The following SLC71A2 variants were observed in gnomAD, a reference collection of about 807,000 sequenced individuals.
SLC71A2 encodes hippocampus abundant transcript-like 1.
the SLC71A2 span, among the ~76,000 whole-genome samples, chr9:94,423,682 A>G: frequency 6.6e-6 from 1 of 152,096 alleles, no homozygotes; most frequent in Admixed American, 6.5e-5. Context: ...CTTATGAAAT[A>G]TAGAGTGTCC....
the SLC71A2 span, among the ~76,000 whole-genome samples, chr9:94,446,339 T>C: frequency 2.0e-5 from 3 of 152,214 alleles, no homozygotes; most frequent in Non-Finnish European, 4.4e-5. Context: ...CAGTTTGACC[T>C]TATGGCTGGA....
At chr9:94,450,352 C>A in the SLC71A2 span, among the ~76,000 whole-genome samples, 1 of 152,170 alleles carries the variant, frequency 6.6e-6, no homozygotes, top group South Asian at 2.1e-4. Flanking sequence ...TCCAGAGGTT[C>A]TAGCCCTAGG....
the SLC71A2 span, among the ~76,000 whole-genome samples, chr9:94,405,835 A>T: frequency 2.0e-5 from 3 of 151,446 alleles, no homozygotes; most frequent in Non-Finnish European, 2.9e-5. Flanking sequence ...AAAAAGCATC[A>T]TTGGGATTTT....
At chr9:94,436,827 GTTCTA>G in the SLC71A2 span, among the ~76,000 whole-genome samples, 3 of 152,174 alleles carry the variant, frequency 2.0e-5, no homozygotes, top group Non-Finnish European at 4.4e-5. Flanking sequence ...TCTCTGAAAA[GTTCTA>G]TTCAATTCAC....
the SLC71A2 span, chr9:94,458,500 T>C: frequency 2.5e-6 from 4 of 1,593,672 alleles, no homozygotes; most frequent in East Asian, 8.9e-5. Context: ...GTAACAACAA[T>C]TATGTATGAT....
At chr9:94,446,127 C>G in the SLC71A2 span, among the ~76,000 whole-genome samples, 1 of 152,186 alleles carries the variant, frequency 6.6e-6, no homozygotes, top group Non-Finnish European at 1.5e-5. Flanking sequence ...ATTAACTAGC[C>G]TAGTGTCTGT....
At chr9:94,434,898 C>T in the SLC71A2 span, among the ~76,000 whole-genome samples, 1 of 152,186 alleles carries the variant, frequency 6.6e-6, no homozygotes, top group Non-Finnish European at 1.5e-5. Context: ...AGTATTGCTT[C>T]CAGCATCCAA....
the SLC71A2 span, among the ~76,000 whole-genome samples, chr9:94,409,128 CCTT>C: frequency 1.1e-5 from 1 of 93,838 alleles, no homozygotes; most frequent in Non-Finnish European, 2.2e-5. Context: ...CGCCCGGCCT[CCTT>C]TTTTTTTTTT....
At chr9:94,438,155 C>T in the SLC71A2 span, among the ~76,000 whole-genome samples, 1 of 152,164 alleles carries the variant, frequency 6.6e-6, no homozygotes, top group Non-Finnish European at 1.5e-5. Flanking sequence ...CCAGACTGGT[C>T]TTGAACTCCT....
At chr9:94,456,157 TACTTTTGCC>T in the SLC71A2 span, 1 of 856,974 alleles carries the variant, frequency 1.2e-6, no homozygotes, top group Non-Finnish European at 1.9e-6. Flanking sequence ...AAGGCATTTG[TACTTTTGCC>T]ACTGATTGCA....
At chr9:94,446,816 T>C in the SLC71A2 span, 1 of 1,484,260 alleles carries the variant, frequency 6.7e-7, no homozygotes, top group African/African-American at 1.4e-5. Flanking sequence ...TTTCTGCTTA[T>C]TCTCAGTCGT....
chr9:94,416,832 C>G, the SLC71A2 span, among the ~76,000 whole-genome samples: 1 of 134,722 alleles, frequency 7.4e-6, no homozygotes, highest in East Asian at 2.1e-4. Flanking sequence ...CCAGCTTGGA[C>G]AACAAAAGCA....
chr9:94,450,822 T>G, the SLC71A2 span, among the ~76,000 whole-genome samples: 2 of 152,166 alleles, frequency 1.3e-5, no homozygotes, highest in African/African-American at 4.8e-5. Flanking sequence ...AACTTGATAT[T>G]TAAGTCTTAA....
chr9:94,396,323 C>T, the SLC71A2 span, among the ~76,000 whole-genome samples: 2 of 152,006 alleles, frequency 1.3e-5, no homozygotes, highest in African/African-American at 4.8e-5. Flanking sequence ...TGAGACCAGC[C>T]TAGGCAACAT....
At chr9:94,451,695 C>A in the SLC71A2 span, among the ~76,000 whole-genome samples, 1 of 152,166 alleles carries the variant, frequency 6.6e-6, no homozygotes, top group Non-Finnish European at 1.5e-5. Context: ...AATATCAGAT[C>A]AAGAAACTGA....
At chr9:94,400,360 A>G in the SLC71A2 span, among the ~76,000 whole-genome samples, 1 of 152,050 alleles carries the variant, frequency 6.6e-6, no homozygotes, top group Non-Finnish European at 1.5e-5. Context: ...GCCTGAGGAA[A>G]GAACTCATTG....
the SLC71A2 span, among the ~76,000 whole-genome samples, chr9:94,439,223 T>C: frequency 6.6e-6 from 1 of 152,076 alleles, no homozygotes; most frequent in African/African-American, 2.4e-5. Flanking sequence ...TTGGTGAGGC[T>C]TCCCTTGAAC....
chr9:94,382,037 T>C, the SLC71A2 span, among the ~76,000 whole-genome samples: 10,296 of 151,772 alleles, frequency 0.068, 445 homozygotes, highest in Non-Finnish European at 0.1. Flanking sequence ...TTTTTTTTTT[T>C]CCTCCTCCGG....
At chr9:94,390,603 G>A in the SLC71A2 span, among the ~76,000 whole-genome samples, 1 of 152,134 alleles carries the variant, frequency 6.6e-6, no homozygotes, top group African/African-American at 2.4e-5. Context: ...TATGATATGC[G>A]TGCCTGAGGA....
Sources: allele counts gnomAD v4.1 joint callset (sites outside exome capture counted in the v4.1 genomes callset), GRCh38; gene constraint gnomAD v4.1.1; transcripts MANE v1.5; gene names NCBI Gene and HGNC (gene_info 2026-07-23, HGNC 2026-07-21).